Variants in MUC4 observed in about 807,000 individuals in gnomAD.
MUC4 encodes mucin-4.
Under a neutral mutation model 257.9 loss-of-function variants are expected in MUC4, and 202 were observed. The observed-to-expected ratio is 0.78, with a 90% confidence interval of 0.70 to 0.88. The LOEUF (loss-of-function observed/expected upper bound fraction) is 0.88. Ranked by LOEUF, MUC4 falls within the 40% of genes least tolerant of loss-of-function variation. MUC4 has a pLI of 0.00. For missense variants in MUC4, 5,976 were observed against 6,513.7 expected (o/e 0.92, Z 2.84); for synonymous variants, 2,351 against 2,757.1 (o/e 0.85, Z 4.62).
rs765054204 is a variant in MUC4, at chr3:195,781,557, G to T, written c.10023C>A (p.Asp3341Glu). ...VTSPSSASTG[D>E]TTPVPVTDTS... ...TGTCGGTGACAGGCACAGGGGTGGT[G>T]TCACCTGTGGATGCTGAGGAAGGGC... Residue 3341 changes from aspartate (D) to glutamate (E), a missense_variant, in exon 2 of 25, where the codon GAC becomes GAA. Coordinates refer to ENST00000463781, the MANE Select transcript of MUC4 (RefSeq NM_018406.7). 166 of 1,239,792 alleles carry T rather than the reference G, an allele frequency of 1.3e-4. 19 individuals are homozygous for T. In the African/African-American group the frequency reaches 2.7e-3, roughly 20 times the overall value. 76.8% of individuals were successfully genotyped at this position (1,239,792 alleles called of 1,614,324 possible).
At chr3:195,759,915 G>A (rs976516645) in intron 16 of MUC4, among the ~76,000 whole-genome samples, 4 of 30,494 alleles carry the variant, frequency 1.3e-4, no homozygotes, top group South Asian at 9.5e-4. Flanking sequence ...GCGAAACTCC[G>A]TCAACACACA....
chr3:195,794,088 A>AAAAAAAAAT (rs1553888473), intron 1 of MUC4, among the ~76,000 whole-genome samples: 30 of 77,046 alleles, frequency 3.9e-4, no homozygotes, highest in African/African-American at 1.7e-3. Flanking sequence ...TAAAAAATAA[A>AAAAAAAAAT]AATAATAATA....
intron 7 of MUC4, among the ~76,000 whole-genome samples, chr3:195,767,558 CCATTGCCACCACCAT>C (rs1721103622): frequency 2.7e-5 from 1 of 37,382 alleles, no homozygotes; most frequent in Admixed American, 2.2e-4. Context: ...ATCACCATTA[CCATTGCCACCACCAT>C]CACCACCACC....
rs1048085033 is a variant in MUC4 at position 195,755,218 on chromosome 3, G to A, written c.15169-846C>T. Among the ~76,000 whole-genome samples, 11 of 150,248 alleles carry A rather than the reference G, an allele frequency of 7.3e-5. No individual in the cohort carries two copies. The highest frequency in any genetic ancestry group is 2.5e-4 in the African/African-American group (10 of 40,808). Reference sequence around the variant, plus strand: ...TTTCTTCTGCTTTTTTTTTTAATGAGACAGTCTCGTTCTGTTTCCCACGCT... The same window carrying A: ...TTTCTTCTGCTTTTTTTTTTAATGAAACAGTCTCGTTCTGTTTCCCACGCT... On this transcript the variant is annotated intron_variant, in intron 18 of 24. Coordinates refer to ENST00000463781, the MANE Select transcript of MUC4 (RefSeq NM_018406.7). The surrounding 1 kb of genome is among the most constrained non-coding windows in gnomAD (Gnocchi z 5.0).
intron 1 of MUC4, among the ~76,000 whole-genome samples, chr3:195,811,493 C>T (rs1402870622): frequency 6.6e-6 from 1 of 151,916 alleles, no homozygotes; most frequent in Non-Finnish European, 1.5e-5. Context: ...TTTCTCTCTC[C>T]CTCTTCTCTT....
At chr3:195,799,295 C>A (rs1014198920) in intron 1 of MUC4, among the ~76,000 whole-genome samples, 1 of 149,324 alleles carries the variant, frequency 6.7e-6, no homozygotes, top group South Asian at 2.1e-4. Flanking sequence ...CCTTATGGAA[C>A]ATTGGACATA....
intron 21 of MUC4, chr3:195,752,142 G>A (rs866405102): frequency 3.8e-5 from 21 of 556,616 alleles, no homozygotes; most frequent in Middle Eastern, 4.7e-4. Flanking sequence ...TAGAGGTCTC[G>A]GCTGGGGTGA....
chr3:195,791,553 C>G (rs1195645254), intron 1 of MUC4, 56 bp from the exon 2 acceptor site: 2 of 1,105,730 alleles, frequency 1.8e-6, no homozygotes, highest in Non-Finnish European at 2.7e-6. Flanking sequence ...AACTCCTATT[C>G]ACAATTGCTA....
intron 20 of MUC4, 129 bp downstream of exon 20, chr3:195,752,922 A>G: frequency 3.4e-6 from 3 of 881,108 alleles, no homozygotes; most frequent in Middle Eastern, 7.0e-4. Context: ...ACCATCCCAG[A>G]GAAATCTGGA....
rs762183422 is a variant in MUC4 at position 195,780,413 on chromosome 3, T to C, written c.11167A>G (p.Thr3723Ala). Residue 3723 changes from threonine to alanine, a missense_variant, in exon 2 of 25, where the codon ACA becomes GCA. Thr to Ala is a moderately conservative substitution (Grantham distance 58). Around this residue, in one of 44 missense-constraint regions of MUC4, gnomAD observed 330 missense variants for 262.0 expected, o/e 1.26. Transcript: ENST00000463781. ...ACATGAAGAGGGGTGACGTGACCTG[T>C]AGATACTGAGGAAGTGCTGGTGACA... Reference protein sequence around the residue: ...LPVTSTSSVSTGHVTPLHVTS... With the variant: ...LPVTSTSSVSAGHVTPLHVTS... 15 of 1,535,458 alleles carry C rather than the reference T, an allele frequency of 9.8e-6. No individual in the cohort carries two copies. The highest frequency in any genetic ancestry group is 1.3e-5 in the Non-Finnish European group (15 of 1,145,638).
rs1313368705 is a variant in MUC4, at chr3:195,751,298, T to G, written c.15583-27A>C. Reference sequence around the variant, plus strand: ...TAGGTTAGAGGATGGCAGATGGGGGTGGGGGTGAGGCCCCATCCGGGGGGG... The same window carrying G: ...TAGGTTAGAGGATGGCAGATGGGGGGGGGGGTGAGGCCCCATCCGGGGGGG... On this transcript the variant is annotated intron_variant, in intron 21 of 24. Coordinates refer to ENST00000463781, the MANE Select transcript of MUC4 (RefSeq NM_018406.7). 2.6e-6 allele frequency: 4 copies of G among 1,567,538 alleles called. No individual in the cohort carries two copies. In the East Asian group the frequency reaches 9.1e-5, roughly 36 times the overall value.
chr3:195,757,339 G>A lies in MUC4; in HGVS notation c.14987-11C>T. ...GCAACGTCCCATTCTCTGCCCCGGG[G>A]AAGATGAGAATGTTGAGAGCTGGGA... On this transcript the variant is annotated splice_polypyrimidine_tract_variant and intron_variant, in intron 17 of 24. Coordinates refer to ENST00000463781, the MANE Select transcript of MUC4 (RefSeq NM_018406.7). The surrounding 1 kb of genome is among the most constrained non-coding windows in gnomAD (Gnocchi z 4.8). The A allele has an allele frequency of 1.3e-6, 2 of 1,584,152 alleles. No individual in the cohort carries two copies. The highest frequency in any genetic ancestry group is 1.7e-6 in the Non-Finnish European group (2 of 1,156,386).
chr3:195,767,573 TCACCACCACCATCAC>T (rs1315147116), intron 7 of MUC4, among the ~76,000 whole-genome samples: 2 of 61,904 alleles, frequency 3.2e-5, no homozygotes, highest in African/African-American at 1.2e-4. Context: ...GCCACCACCA[TCACCACCACCATCAC>T]CACCACCACC....
chr3:195,786,927 GGTGGT>G lies in MUC4; in HGVS notation c.4648_4652del (p.Thr1550ProfsTer46), dbSNP rs1732373255. The G allele has an allele frequency of 6.7e-7, 1 of 1,481,866 alleles. No individual in the cohort carries two copies. The highest frequency in any genetic ancestry group is 9.1e-7 in the Non-Finnish European group (1 of 1,102,368). 91.8% of individuals were successfully genotyped at this position (1,481,866 alleles called of 1,614,324 possible). On this transcript the variant is annotated frameshift_variant, in exon 2 of 25. Coordinates refer to ENST00000463781, the MANE Select transcript of MUC4 (RefSeq NM_018406.7). LOFTEE classifies it high-confidence loss of function. The stretch of plus-strand genomic sequence containing the variant: ...AGGAAGCGTCGGTGACAGGAAGAGG[GGTGGT>G]GTCACCTGTGGATGCTGAGGAAGGG...
At position 195,784,694 on chromosome 3, in the gene MUC4, A is replaced by T. The variant is rs1730514216; in HGVS notation, c.6886T>A (p.Ser2296Thr). ...GGGGTGGCGTGACCTGTGGATGCTGAGGAAGGGCTAGTGACAGGAAGAGGA... is the reference window on the plus strand; with the variant it reads ...GGGGTGGCGTGACCTGTGGATGCTGTGGAAGGGCTAGTGACAGGAAGAGGA... ...TTPLPVTSPS[S>T]ASTGHATPLH... The change falls in exon 2 of 25, where the codon TCA becomes ACA. Residue 2296 changes from serine to threonine, a missense_variant. Physicochemically the swap from Ser to Thr is moderately conservative, Grantham distance 58. This residue lies in a region of MUC4 where 62 missense variants were observed against 74.0 expected (regional missense o/e 0.84). Coordinates refer to ENST00000463781, the MANE Select transcript of MUC4 (RefSeq NM_018406.7). 3 of 1,452,278 alleles carry T rather than the reference A, an allele frequency of 2.1e-6. 1 individual carries two copies. Among genetic ancestry groups the T allele is most frequent in the African/African-American group, 3.9e-5 (2 of 51,072 alleles). 90.0% of individuals were successfully genotyped at this position (1,452,278 alleles called of 1,614,324 possible).
At chr3:195,758,260 C>T (rs73205720) in intron 17 of MUC4, among the ~76,000 whole-genome samples, 14,739 of 152,090 alleles carry the variant, frequency 0.097, 759 homozygotes, top group Middle Eastern at 0.22. Context: ...ATGTAGGGCT[C>T]GGGGTCTCTA....
chr3:195,776,388 T>C, intron 3 of MUC4, among the ~76,000 whole-genome samples: 1 of 100,342 alleles, frequency 1.0e-5, no homozygotes. Context: ...TCCACACCCA[T>C]ACCTTCCACA....
At position 195,788,949 on chromosome 3, in the gene MUC4, A is replaced by G; in HGVS notation, c.2631T>C (p.Ser877=). ...TCGGTCTCCCTGCAGTGGAGGCCTCAGAGAGGGTGGGATGAAAGGTGCCGG... is the reference window on the plus strand; with the variant it reads ...TCGGTCTCCCTGCAGTGGAGGCCTCGGAGAGGGTGGGATGAAAGGTGCCGG... The part of the protein sequence containing the change: ...IVPGTFHPTL[S]EASTAGRPTG... Residue 877 remains serine (S), a synonymous_variant, in exon 2 of 25, where the codon TCT becomes TCC. Coordinates refer to ENST00000463781, the MANE Select transcript of MUC4 (RefSeq NM_018406.7). The G allele has an allele frequency of 1.2e-6, 2 of 1,613,568 alleles. 1 individual carries two copies. Among genetic ancestry groups the G allele is most frequent in the South Asian group, 2.2e-5 (2 of 91,062 alleles).
Position 195,757,274 on chromosome 3 carries a change from A to C in MUC4, c.15041T>G (p.Ile5014Ser), listed in dbSNP as rs1447941449. 6.2e-7 allele frequency: 1 copy of C among 1,613,044 alleles called. No individual in the cohort carries two copies. Among genetic ancestry groups the C allele is most frequent in the Non-Finnish European group, 8.5e-7 (1 of 1,179,056 alleles). ...GCCAATCTTGGCACTTCTTGCTAGA[A>C]TCTCCAGAGTGAATGGCTCCAGCGA... is the stretch of plus-strand genomic sequence containing the variant. ...PKSLEPFTLE[I>S]LARSAKIGLA... The change falls in exon 18 of 25, where the codon ATT becomes AGT. Residue 5014 changes from isoleucine (I) to serine (S), a missense_variant. By Grantham distance (142) the Ile-to-Ser change is moderately radical (BLOSUM62 -2). This residue lies in a region of MUC4 where 996 missense variants were observed against 1,137.3 expected (regional missense o/e 0.88). Transcript: ENST00000463781. The surrounding 1 kb of genome is among the most constrained non-coding windows in gnomAD (Gnocchi z 4.8).
Sources: allele counts gnomAD v4.1 joint callset (sites outside exome capture counted in the v4.1 genomes callset), GRCh38; gene constraint gnomAD v4.1.1; regional missense constraint gnomAD v4.1.1; non-coding constraint Gnocchi (gnomAD v3.1); transcripts MANE v1.5; gene names NCBI Gene and HGNC (gene_info 2026-07-23, HGNC 2026-07-21).